Variants in GALNT5 observed in about 807,000 individuals in gnomAD.
GALNT5 encodes the protein UDP-GalNAc:polypeptide N-acetylgalactosaminyltransferase 5.
GALNT5 carries 72 observed loss-of-function variants against 85.4 expected under a neutral mutation model. The ratio of observed to expected loss-of-function variants is 0.84; its 90% confidence interval spans 0.70 to 1.03. GALNT5 has a LOEUF of 1.03. Among genes scored for constraint, GALNT5 ranks in the 50% least tolerant of loss-of-function variants. The probability of loss-of-function intolerance (pLI) is 0.00; values close to 1 mark genes in which losing one functional copy is unlikely to be tolerated. For synonymous variants in GALNT5, 404 were observed against 397.0 expected (o/e 1.02, Z -0.21); for missense variants, 1,137 against 1,135.5 (o/e 1.00, Z -0.02).
At chr2:157,302,059 T>G (rs1248250387) in intron 7 of GALNT5, 1 of 152,242 alleles carries the variant, frequency 6.6e-6, no homozygotes, top group Non-Finnish European at 1.5e-5. Flanking sequence ...CAGTCATGCT[T>G]ATTTCTAATC....
intron 9 of GALNT5, among the ~76,000 whole-genome samples, chr2:157,309,088 C>A (rs1356819044): frequency 3.3e-5 from 5 of 152,140 alleles, no homozygotes; most frequent in African/African-American, 2.4e-5. Flanking sequence ...ATGGGCAACA[C>A]AGGAAGCAGC....
At chr2:157,268,610 G>A (rs895310598) in intron 1 of GALNT5, among the ~76,000 whole-genome samples, 1 of 152,180 alleles carries the variant, frequency 6.6e-6, no homozygotes, top group Non-Finnish European at 1.5e-5. Flanking sequence ...TGGCCATAGG[G>A]CCAATAAATG....
Position 157,258,427 on chromosome 2 carries a change from GA to G in GALNT5, c.347del (p.Asn116MetfsTer22). ...AAACCCAGAGGGAAAGAAAAATGCA[GA>G]ATGCCCTGGGAAGGGGCAAGGTTGT... ...DQTQRERKMQNALGRGKVVPL... is the reference protein window; with the variant it reads ...DQTQRERKMQXALGRGKVVPL... On this transcript the variant is annotated frameshift_variant, in exon 1 of 10. Transcript: ENST00000259056. LOFTEE classifies it high-confidence loss of function. The G allele has an allele frequency of 6.2e-7, 1 of 1,609,782 alleles. No homozygotes were observed. Among genetic ancestry groups the G allele is most frequent in the Non-Finnish European group, 8.5e-7 (1 of 1,178,570 alleles).
chr2:157,285,425 C>T (rs1450420908), intron 2 of GALNT5, among the ~76,000 whole-genome samples: 6 of 152,252 alleles, frequency 3.9e-5, no homozygotes, highest in Admixed American at 6.5e-5. Context: ...TTCTGGAAGC[C>T]ATTCCAACCT....
chr2:157,311,230 A>G lies in GALNT5; in HGVS notation c.2705A>G (p.Asn902Ser). The change falls in exon 10 of 10, where the codon AAC (asparagine) becomes AGC (serine). Residue 902 changes from asparagine to serine, a missense_variant. Physicochemically the swap from Asn to Ser is conservative, Grantham distance 46. Transcript: ENST00000259056. Reference protein sequence around the residue: ...PELVNHIVFENNQQLLCLEGN... With the variant: ...PELVNHIVFESNQQLLCLEGN... ...CAGGTGAATCACATTGTTTTTGAAA[A>G]CAATCAGCAATTATTATGCTTGGAA... is the stretch of plus-strand genomic sequence containing the variant. 6.2e-7 allele frequency: 1 copy of G among 1,611,094 alleles called. No individual in the cohort carries two copies. Among genetic ancestry groups the G allele is most frequent in the Non-Finnish European group, 8.5e-7 (1 of 1,178,062 alleles).
At chr2:157,290,010 T>C (rs1438087479) in intron 3 of GALNT5, among the ~76,000 whole-genome samples, 1 of 150,148 alleles carries the variant, frequency 6.7e-6, no homozygotes, top group Non-Finnish European at 1.5e-5. Context: ...GAGGCGGAGG[T>C]TGCAGTGAGC....
At chr2:157,302,226 A>C (rs1031883767) in intron 7 of GALNT5, 3 of 152,224 alleles carry the variant, frequency 2.0e-5, no homozygotes, top group Non-Finnish European at 4.4e-5. Flanking sequence ...AGAGTGGATT[A>C]TACCATGCTT....
At chr2:157,263,304 C>G (rs536312592) in intron 1 of GALNT5, among the ~76,000 whole-genome samples, 1 of 152,270 alleles carries the variant, frequency 6.6e-6, no homozygotes, top group South Asian at 2.1e-4. Flanking sequence ...TCTTCTCCAC[C>G]CTTTACAGTT....
Position 157,314,953 on chromosome 2 carries a change from C to T in GALNT5, c.*3605C>T, listed in dbSNP as rs1683666167. 1.3e-5 allele frequency among the ~76,000 whole-genome samples: 2 copies of T among 152,068 alleles called. No homozygotes were observed. Among genetic ancestry groups the T allele is most frequent in the Non-Finnish European group, 2.9e-5 (2 of 68,012 alleles). Reference sequence around the variant, plus strand: ...ATTAGCTGGGCATGGTGGTGGGCGCCTGTAATCCCAGCTACCTGGGAGGCT... The same window carrying T: ...ATTAGCTGGGCATGGTGGTGGGCGCTTGTAATCCCAGCTACCTGGGAGGCT... On this transcript the variant is annotated 3_prime_UTR_variant, in exon 10 of 10. Coordinates refer to ENST00000259056, the MANE Select transcript of GALNT5 (RefSeq NM_014568.3).
At chr2:157,304,161 A>G (rs1490510780) in intron 7 of GALNT5, among the ~76,000 whole-genome samples, 2 of 152,166 alleles carry the variant, frequency 1.3e-5, no homozygotes, top group South Asian at 2.1e-4. Context: ...TTCTACCTTC[A>G]TGTCTTTCTA....
At chr2:157,261,910 A>AT (rs1298182351) in intron 1 of GALNT5, among the ~76,000 whole-genome samples, 2 of 152,100 alleles carry the variant, frequency 1.3e-5, no homozygotes, top group Admixed American at 6.5e-5. Flanking sequence ...ATGCAATAAG[A>AT]TTTTTTAAGA....
chr2:157,272,469 C>A (rs1285430125), intron 1 of GALNT5, among the ~76,000 whole-genome samples: 2 of 152,106 alleles, frequency 1.3e-5, no homozygotes, highest in Non-Finnish European at 2.9e-5. Flanking sequence ...ACAAATGATT[C>A]TGTCACCCAG....
In GALNT5 at chr2:157,316,663, A is replaced by G. The variant is rs2105179160; in HGVS notation, c.*5315A>G. Among the ~76,000 whole-genome samples, 1 of 152,294 alleles carries G rather than the reference A, an allele frequency of 6.6e-6. No homozygotes were observed. Among genetic ancestry groups the G allele is most frequent in the East Asian group, 1.9e-4 (1 of 5,182 alleles). ...TATTGTACAAAATATTTATTTTTTG[A>G]CAGTTTTGAATAAGCCATATAAAGT... On this transcript the variant is annotated 3_prime_UTR_variant, in exon 10 of 10. Coordinates refer to ENST00000259056, the MANE Select transcript of GALNT5 (RefSeq NM_014568.3).
intron 3 of GALNT5, among the ~76,000 whole-genome samples, chr2:157,291,637 C>CCT (rs1553463142): frequency 2.9e-5 from 4 of 135,842 alleles, no homozygotes; most frequent in African/African-American, 1.1e-4. Context: ...CCACCCACCC[C>CCT]CCCCCAGATT....
At chr2:157,276,900 T>C (rs1682741990) in intron 1 of GALNT5, among the ~76,000 whole-genome samples, 1 of 152,216 alleles carries the variant, frequency 6.6e-6, no homozygotes, top group Non-Finnish European at 1.5e-5. Flanking sequence ...CTAGTTCTTT[T>C]AATTTGTGAT....
At chr2:157,291,337 A>G (rs1683092997) in intron 3 of GALNT5, among the ~76,000 whole-genome samples, 1 of 152,206 alleles carries the variant, frequency 6.6e-6, no homozygotes, top group Admixed American at 6.5e-5. Flanking sequence ...AGTGACATCT[A>G]ACTCCTAGCA....
intron 1 of GALNT5, among the ~76,000 whole-genome samples, chr2:157,260,804 TC>T (rs1682320042): frequency 6.6e-6 from 1 of 152,212 alleles, no homozygotes; most frequent in Non-Finnish European, 1.5e-5. Context: ...GTTTTCCATC[TC>T]TTAGCCATCA....
rs1248657854 is a variant in GALNT5, at chr2:157,295,795, T to C, written c.1874T>C (p.Met625Thr). Residue 625 changes from methionine (M) to threonine (T), a missense_variant, in exon 4 of 10, where the codon ATG becomes ACG. By Grantham distance (81) the Met-to-Thr change is moderately conservative. Coordinates refer to ENST00000259056, the MANE Select transcript of GALNT5 (RefSeq NM_014568.3). ...PVIEVINDKDMSYMTVDNFQR... is the reference protein window; with the variant it reads ...PVIEVINDKDTSYMTVDNFQR... ...ATCGAAGTCATCAATGATAAGGATA[T>C]GAGGTAATATTTACACATTCCACAA... The C allele has an allele frequency of 2.2e-5, 35 of 1,600,294 alleles. No individual in the cohort carries two copies. The highest frequency in any genetic ancestry group is 2.9e-5 in the Non-Finnish European group (34 of 1,169,546).
intron 1 of GALNT5, among the ~76,000 whole-genome samples, chr2:157,268,074 C>T (rs1371904348): frequency 6.6e-6 from 1 of 152,112 alleles, no homozygotes; most frequent in Non-Finnish European, 1.5e-5. Context: ...CACATGAAGG[C>T]AGTAGTTGAA....
Sources: gnomAD v4.1 joint callset for allele counts (sites outside exome capture counted in the v4.1 genomes callset) on GRCh38, gnomAD v4.1.1 for gene constraint, MANE v1.5 for transcripts, NCBI Gene and HGNC (gene_info 2026-07-23, HGNC 2026-07-21) for gene names.